STK3: variants seen among roughly 807,000 people sequenced by gnomAD.
STK3 encodes the protein serine/threonine kinase 3, also known as serine/threonine-protein kinase 3.
Under a neutral mutation model 58.0 loss-of-function variants are expected in STK3, and 41 were observed. The ratio of observed to expected loss-of-function variants is 0.71; its 90% CI spans 0.55 to 0.92. The LOEUF (loss-of-function observed/expected upper bound fraction) is 0.92. STK3 is among the 40% of genes least tolerant of loss of function. The probability of loss-of-function intolerance (pLI) is 0.00; values close to 1 mark genes in which losing one functional copy is unlikely to be tolerated. For missense variants in STK3, 479 were observed against 602.7 expected, an observed-to-expected ratio of 0.79 and a Z score of 2.15; for synonymous variants, 170 against 191.0, an observed-to-expected ratio of 0.89 and a Z score of 0.91.
chr8:98,536,975 C>A (rs1243728342), intron 9 of STK3, among the ~76,000 whole-genome samples: 1 of 152,092 alleles, frequency 6.6e-6, no homozygotes, highest in Admixed American at 6.6e-5. Context: ...ACCTAAAAAA[C>A]CTATGGCAAA....
chr8:98,740,536 G>A (rs1341569431), intron 4 of STK3, among the ~76,000 whole-genome samples: 2 of 152,120 alleles, frequency 1.3e-5, no homozygotes, highest in Admixed American at 6.5e-5. Context: ...TAACAGACAA[G>A]CAAAGGCTGA....
chr8:98,731,288 C>T (rs1035078999), intron 4 of STK3, among the ~76,000 whole-genome samples: 4 of 151,986 alleles, frequency 2.6e-5, no homozygotes, highest in South Asian at 2.1e-4. Flanking sequence ...CACTTTTTCA[C>T]GGAAGCTGTA....
chr8:98,926,842 G>C (rs181556767), intron 1 of STK3, among the ~76,000 whole-genome samples: 1 of 152,290 alleles, frequency 6.6e-6, no homozygotes, highest in Admixed American at 6.5e-5. Flanking sequence ...GCAAGCTTAG[G>C]TGTGCTATGG....
Position 98,697,147 on chromosome 8 carries a change from A to G in STK3, c.684+9320T>C, listed in dbSNP as rs556525008. ...TAGATTTTCTAGTTTATTTGCATAG[A>G]GGTGTTTGTAGTATTCTCTGATGGT... On this transcript the variant is annotated intron_variant, in intron 6 of 10. Transcript: ENST00000419617. 9.2e-3 allele frequency among the ~76,000 whole-genome samples: 1,403 copies of G among 152,144 alleles called. 16 individuals carry two copies. The highest frequency in any genetic ancestry group is 0.032 in the African/African-American group (1,326 of 41,496).
intron 3 of STK3, among the ~76,000 whole-genome samples, chr8:98,843,562 G>T (rs1419079097): frequency 6.6e-6 from 1 of 152,176 alleles, no homozygotes; most frequent in Non-Finnish European, 1.5e-5. Context: ...CTATCTTTTG[G>T]TAGCTCCTTT....
rs546292695 is a variant in STK3, at chr8:98,775,947, T to C, written c.27-1128A>G. On this transcript the variant is annotated intron_variant, in intron 1 of 10. Coordinates refer to ENST00000419617, the MANE Select transcript of STK3 (RefSeq NM_006281.4). ...GAACTATGAATATTCAACAGGCTGA[T>C]TGCAGAAATTTAAGAAAAGACACAT... 6.6e-5 allele frequency among the ~76,000 whole-genome samples: 10 copies of C among 152,266 alleles called. No individual in the cohort carries two copies. In the South Asian group the frequency reaches 8.3e-4, roughly 13 times the overall value.
chr8:98,426,866 G>A (rs1000847535), intron 3 of STK3, among the ~76,000 whole-genome samples: 9 of 152,030 alleles, frequency 5.9e-5, no homozygotes, highest in Non-Finnish European at 1.3e-4. Flanking sequence ...TCGCGGTGAC[G>A]CGCCGGGGAA....
intron 10 of STK3, among the ~76,000 whole-genome samples, chr8:98,519,042 C>T (rs1825158648): frequency 6.6e-6 from 1 of 152,048 alleles, no homozygotes; most frequent in Non-Finnish European, 1.5e-5. Context: ...CTCTTGCAAA[C>T]ATCTGGAAAT....
intron 3 of STK3, among the ~76,000 whole-genome samples, chr8:98,876,751 C>T (rs144621456): frequency 3.7e-4 from 56 of 152,264 alleles, no homozygotes; most frequent in African/African-American, 1.3e-3. Flanking sequence ...AGAAGCTGTG[C>T]GAAAGTGAGA....
chr8:98,706,460 T>C lies in STK3; in HGVS notation c.684+7A>G. The C allele has an allele frequency of 6.2e-7, 1 of 1,603,498 alleles. No homozygotes were observed. Among genetic ancestry groups the C allele is most frequent in the Non-Finnish European group, 8.5e-7 (1 of 1,176,412 alleles). On this transcript the variant is annotated splice_region_variant and intron_variant, in intron 6 of 10. Transcript: ENST00000419617. ...CTAACATTTTCAGCAAACCATAATT[T>C]TCTTACCCTCATTGGATGTATATCA...
chr8:98,630,785 GGAAGAGGAA>G (rs1342033642), intron 6 of STK3, among the ~76,000 whole-genome samples: 1 of 148,630 alleles, frequency 6.7e-6, no homozygotes, highest in East Asian at 2.0e-4. Flanking sequence ...AAGAGGAAGA[GGAAGAGGAA>G]GAAGAGGAAG....
intron 3 of STK3, among the ~76,000 whole-genome samples, chr8:98,852,489 C>A (rs560707891): frequency 1.3e-5 from 2 of 152,316 alleles, no homozygotes; most frequent in South Asian, 4.1e-4. Context: ...AACACCCTGA[C>A]CCAGTTAATA....
intron 1 of STK3, among the ~76,000 whole-genome samples, chr8:98,919,586 A>T (rs1189619877): frequency 6.6e-6 from 1 of 152,206 alleles, no homozygotes; most frequent in East Asian, 1.9e-4. Context: ...CCATTTGTCA[A>T]ACTTGGACCG....
chr8:98,869,120 T>C (rs548647887), intron 3 of STK3, among the ~76,000 whole-genome samples: 2 of 151,738 alleles, frequency 1.3e-5, no homozygotes, highest in South Asian at 4.2e-4. Flanking sequence ...GGAGTCTTTG[T>C]TGATAGATAA....
intron 6 of STK3, among the ~76,000 whole-genome samples, chr8:98,607,369 A>G (rs1172362651): frequency 6.6e-6 from 1 of 152,238 alleles, no homozygotes; most frequent in Admixed American, 6.5e-5. Context: ...CAGGTACAAA[A>G]GCAATGACAG....
At chr8:98,588,646 C>T (rs1362298087) in intron 7 of STK3, among the ~76,000 whole-genome samples, 3 of 151,490 alleles carry the variant, frequency 2.0e-5, no homozygotes, top group African/African-American at 7.3e-5. Flanking sequence ...CGTTGGCCTG[C>T]CTTGCTAGAT....
intron 9 of STK3, among the ~76,000 whole-genome samples, chr8:98,527,598 C>A (rs1586783383): frequency 6.6e-6 from 1 of 151,848 alleles, no homozygotes; most frequent in East Asian, 1.9e-4. Context: ...CCAGCCTGGG[C>A]AACAGAGCAA....
At chr8:98,504,368 TG>T (rs1823874875) in intron 10 of STK3, among the ~76,000 whole-genome samples, 1 of 152,234 alleles carries the variant, frequency 6.6e-6, no homozygotes, top group South Asian at 2.1e-4. Context: ...GTCTTTTAAT[TG>T]GGGCATTTAG....
chr8:98,555,745 T>A (rs1275053279), intron 8 of STK3, among the ~76,000 whole-genome samples: 1 of 152,114 alleles, frequency 6.6e-6, no homozygotes, highest in Non-Finnish European at 1.5e-5. Flanking sequence ...CTCTTAAAGG[T>A]GCTAATTAAA....
Sources: gnomAD v4.1 joint callset for allele counts (sites outside exome capture counted in the v4.1 genomes callset) on GRCh38, gnomAD v4.1.1 for gene constraint, MANE v1.5 for transcripts, NCBI Gene and HGNC (gene_info 2026-07-23, HGNC 2026-07-21) for gene names.